SMYD3: variants seen among roughly 807,000 people sequenced by gnomAD.
SMYD3 encodes histone-lysine N-methyltransferase SMYD3.
SMYD3 carries 36 observed loss-of-function variants against 57.7 expected under a neutral mutation model. The observed-to-expected ratio is 0.62, with a 90% confidence interval of 0.48 to 0.82. The LOEUF is 0.82. Among genes scored for constraint, SMYD3 ranks in the 40% least tolerant of loss-of-function variants. The pLI is 0.00. For synonymous variants in SMYD3, 211 were observed against 195.0 expected (o/e 1.08, Z -0.68); for missense variants, 515 against 538.8 (o/e 0.96, Z 0.44).
At chr1:245,835,933 G>A (rs1204807602) in intron 10 of SMYD3, among the ~76,000 whole-genome samples, 2 of 152,182 alleles carry the variant, frequency 1.3e-5, no homozygotes, top group South Asian at 2.1e-4. Flanking sequence ...GGAATTAAGA[G>A]GACAGCGAAA....
At chr1:245,787,294 G>A (rs2047084299) in intron 10 of SMYD3, among the ~76,000 whole-genome samples, 1 of 152,150 alleles carries the variant, frequency 6.6e-6, no homozygotes, top group Non-Finnish European at 1.5e-5. Context: ...CTCTCTGAAG[G>A]TCTATGAGGC....
intron 8 of SMYD3, among the ~76,000 whole-genome samples, chr1:245,886,038 T>C (rs1434267284): frequency 6.6e-6 from 1 of 152,182 alleles, no homozygotes; most frequent in Non-Finnish European, 1.5e-5. Context: ...ATGTGTTCCA[T>C]TTTAAAAGGC....
intron 5 of SMYD3, among the ~76,000 whole-genome samples, chr1:246,091,536 A>G (rs4497180): frequency 0.54 from 80,900 of 150,510 alleles, 22,890 homozygotes; most frequent in Non-Finnish European, 0.62. Flanking sequence ...GGACTCATCC[A>G]GGGAAAATGT....
intron 2 of SMYD3, among the ~76,000 whole-genome samples, chr1:246,348,014 G>T (rs537512336): frequency 7.1e-6 from 1 of 141,640 alleles, no homozygotes; most frequent in African/African-American, 2.6e-5. Flanking sequence ...CAAAGACAGG[G>T]AATCAATCTA....
intron 10 of SMYD3, among the ~76,000 whole-genome samples, chr1:245,787,175 A>AT (rs11351690): frequency 3.9e-5 from 6 of 152,044 alleles, no homozygotes; most frequent in Non-Finnish European, 7.3e-5. Context: ...ATATTTCAGT[A>AT]TTTTTTTACA....
At chr1:246,345,589 T>C (rs1281080238) in intron 2 of SMYD3, among the ~76,000 whole-genome samples, 4 of 152,194 alleles carry the variant, frequency 2.6e-5, no homozygotes, top group African/African-American at 9.7e-5. Flanking sequence ...TTAAAATGTT[T>C]TGGATTTTGG....
chr1:245,962,461 G>A (rs2058034786), intron 5 of SMYD3, among the ~76,000 whole-genome samples: 2 of 152,168 alleles, frequency 1.3e-5, no homozygotes, highest in Admixed American at 6.5e-5. Flanking sequence ...GAAGTTCAAC[G>A]CCTCTGTCAT....
chr1:246,351,053 AATCACTCTGTT>A (rs1428975354), intron 2 of SMYD3, among the ~76,000 whole-genome samples: 5 of 152,186 alleles, frequency 3.3e-5, no homozygotes, highest in African/African-American at 1.2e-4. Flanking sequence ...CAGCCTATTA[AATCACTCTGTT>A]AAGTGCTTAC....
chr1:245,850,007 T>C (rs2050880883), intron 10 of SMYD3, among the ~76,000 whole-genome samples: 6 of 152,048 alleles, frequency 3.9e-5, no homozygotes, highest in Admixed American at 3.3e-4. Context: ...GGTCCTGGCA[T>C]AGCCAGGGAA....
chr1:245,860,466 G>A (rs1408078372), intron 9 of SMYD3, among the ~76,000 whole-genome samples: 1 of 152,090 alleles, frequency 6.6e-6, no homozygotes, highest in African/African-American at 2.4e-5. Context: ...CACAGCAAAT[G>A]TATTTTCTTT....
chr1:245,870,695 G>A lies in SMYD3; in HGVS notation c.814-6809C>T, dbSNP rs141435191. ...TGGCCAAACGCTTCCTTTGGGTTTC[G>A]GAGTGGGAAGTTTACCTGCCAGATA... On this transcript the variant is annotated intron_variant, in intron 8 of 11. Coordinates refer to ENST00000490107, the MANE Select transcript of SMYD3 (RefSeq NM_001167740.2). Among the ~76,000 whole-genome samples the A allele has an allele frequency of 5.4e-3, 816 of 152,280 alleles. 6 individuals are homozygous for A. The highest frequency in any genetic ancestry group is 0.013 in the African/African-American group (550 of 41,542).
At chr1:245,786,795 G>C (rs931825734) in intron 10 of SMYD3, among the ~76,000 whole-genome samples, 2 of 151,998 alleles carry the variant, frequency 1.3e-5, no homozygotes, top group Non-Finnish European at 2.9e-5. Context: ...CTGGAATCCA[G>C]CATCTAAATA....
intron 10 of SMYD3, among the ~76,000 whole-genome samples, chr1:245,766,511 T>G (rs1475243909): frequency 6.7e-6 from 1 of 150,146 alleles, no homozygotes. Context: ...AAGGGGTCAA[T>G]CACTTTACCT....
At chr1:245,879,787 T>A (rs1409940569) in intron 8 of SMYD3, among the ~76,000 whole-genome samples, 2 of 152,166 alleles carry the variant, frequency 1.3e-5, no homozygotes, top group African/African-American at 4.8e-5. Context: ...GCGGCAAATA[T>A]GGTCTCAAGA....
intron 5 of SMYD3, among the ~76,000 whole-genome samples, chr1:246,102,839 C>G (rs1169789962): frequency 6.6e-6 from 1 of 152,138 alleles, no homozygotes; most frequent in Non-Finnish European, 1.5e-5. Context: ...GAGCTATGAT[C>G]ATACAAGTGC....
intron 1 of SMYD3, among the ~76,000 whole-genome samples, chr1:246,461,278 G>A (rs554908132): frequency 5.3e-5 from 8 of 152,050 alleles, no homozygotes; most frequent in African/African-American, 1.9e-4. Flanking sequence ...GAAATTAGTG[G>A]GAAAAAAAGT....
chr1:246,035,274 A>G (rs2059752307), intron 5 of SMYD3: 1 of 152,232 alleles, frequency 6.6e-6, no homozygotes, highest in Non-Finnish European at 1.5e-5. Context: ...CACGTGTCTG[A>G]AGAACATATG....
chr1:246,269,165 T>C (rs531977529), intron 5 of SMYD3, among the ~76,000 whole-genome samples: 32 of 152,308 alleles, frequency 2.1e-4, no homozygotes, highest in African/African-American at 7.7e-4. Flanking sequence ...CCCAACTACA[T>C]GAAGCCTCCC....
At chr1:246,084,014 T>G (rs1046692436) in intron 5 of SMYD3, among the ~76,000 whole-genome samples, 1 of 152,168 alleles carries the variant, frequency 6.6e-6, no homozygotes, top group Admixed American at 6.5e-5. Flanking sequence ...AAGGATTTTT[T>G]TTTAATACTG....
Sources: allele counts gnomAD v4.1 joint callset (sites outside exome capture counted in the v4.1 genomes callset), GRCh38; gene constraint gnomAD v4.1.1; transcripts MANE v1.5; gene names NCBI Gene and HGNC (gene_info 2026-07-23, HGNC 2026-07-21).